Variants in UBE3C observed in about 807,000 individuals in gnomAD.
The protein encoded by UBE3C is ubiquitin protein ligase E3C.
In UBE3C, 42 loss-of-function variants were observed where a neutral mutation model predicts 129.4. The ratio of observed to expected loss-of-function variants is 0.32; its 90% confidence interval spans 0.25 to 0.42. The LOEUF is 0.42. Among genes scored for constraint, UBE3C ranks in the 10% least tolerant of loss-of-function variants. The probability of loss-of-function intolerance (pLI) is 1.00; values close to 1 mark genes in which losing one functional copy is unlikely to be tolerated. For missense variants in UBE3C, 1,049 were observed against 1,319.1 expected, an observed-to-expected ratio of 0.80 and a Z score of 3.17; for synonymous variants, 510 against 492.4, an observed-to-expected ratio of 1.04 and a Z score of -0.47.
At chr7:157,186,055 G>T (rs1232112305) in intron 9 of UBE3C, among the ~76,000 whole-genome samples, 1 of 151,930 alleles carries the variant, frequency 6.6e-6, no homozygotes, top group Non-Finnish European at 1.5e-5. Context: ...GATTGGCTTG[G>T]GTTATATTCA....
intron 18 of UBE3C, among the ~76,000 whole-genome samples, chr7:157,236,422 A>G (rs3802106): frequency 0.18 from 27,703 of 152,156 alleles, 2,770 homozygotes; most frequent in East Asian, 0.39. Context: ...GATCTTGGTT[A>G]TATATTTGAA....
intron 1 of UBE3C, among the ~76,000 whole-genome samples, chr7:157,142,902 T>C (rs1807495276): frequency 6.6e-6 from 1 of 150,920 alleles, no homozygotes; most frequent in East Asian, 1.9e-4. Context: ...TGGAGCGCAG[T>C]GTTGCCCAGG....
chr7:157,165,764 T>C (rs1156607842), intron 2 of UBE3C, among the ~76,000 whole-genome samples: 1 of 152,218 alleles, frequency 6.6e-6, no homozygotes, highest in Admixed American at 6.5e-5. Context: ...GAATTTTCTT[T>C]CATTCTTTTA....
chr7:157,243,235 G>A (rs1584815795), intron 18 of UBE3C, among the ~76,000 whole-genome samples: 1 of 152,276 alleles, frequency 6.6e-6, no homozygotes, highest in South Asian at 2.1e-4. Context: ...GAGATGAGAA[G>A]GGCAATCTCT....
chr7:157,220,656 AGG>A (rs746498801), intron 14 of UBE3C, 31 bp from the exon 15 acceptor site: 2 of 1,613,086 alleles, frequency 1.2e-6, no homozygotes, highest in African/African-American at 2.7e-5. Flanking sequence ...GCTAGAGCAC[AGG>A]GGAGTTCTGA....
intron 13 of UBE3C, among the ~76,000 whole-genome samples, chr7:157,216,119 A>G (rs2051877): frequency 6.6e-6 from 1 of 152,074 alleles, no homozygotes; most frequent in East Asian, 1.9e-4. Context: ...TCTGGAGTTA[A>G]GATCACAGAT....
chr7:157,266,740 T>TA lies in UBE3C; in HGVS notation c.3082-839dup, dbSNP rs554701897. On this transcript the variant is annotated intron_variant, in intron 22 of 22. Transcript: ENST00000348165. ...AGATAGAATAAATCTTGATCCTTTTTAAAAAATTTTTATAGACAGGGTCTC... is the reference window on the plus strand; with the variant it reads ...AGATAGAATAAATCTTGATCCTTTTTAAAAAAATTTTTATAGACAGGGTCTC... Among the ~76,000 whole-genome samples, 195 of 152,352 alleles carry TA rather than the reference T, an allele frequency of 1.3e-3. 1 individual carries two copies. The highest frequency in any genetic ancestry group is 4.7e-3 in the African/African-American group (195 of 41,590).
intron 13 of UBE3C, among the ~76,000 whole-genome samples, chr7:157,209,069 C>T (rs1809517867): frequency 6.6e-6 from 1 of 152,174 alleles, no homozygotes; most frequent in African/African-American, 2.4e-5. Flanking sequence ...ATCAACTAAG[C>T]TTGTATTAAT....
chr7:157,226,123 T>C (rs1279556199), intron 17 of UBE3C, among the ~76,000 whole-genome samples: 1 of 152,222 alleles, frequency 6.6e-6, no homozygotes, highest in Non-Finnish European at 1.5e-5. Flanking sequence ...TTGCAAGCTG[T>C]TGTTCTAAAA....
intron 1 of UBE3C, among the ~76,000 whole-genome samples, chr7:157,140,846 AT>A (rs964786351): frequency 9.2e-5 from 14 of 152,246 alleles, no homozygotes; most frequent in Non-Finnish European, 2.9e-5. Flanking sequence ...GTGTAAAAGA[AT>A]CACCCCTTTA....
At chr7:157,225,272 A>G in intron 16 of UBE3C, 135 bp from the exon 17 acceptor site, 3 of 955,962 alleles carry the variant, frequency 3.1e-6, no homozygotes, top group Non-Finnish European at 4.4e-6. Context: ...AAAAATCAAG[A>G]TTTGATACCT....
At chr7:157,157,751 G>A (rs572218497) in intron 1 of UBE3C, among the ~76,000 whole-genome samples, 5 of 152,252 alleles carry the variant, frequency 3.3e-5, no homozygotes, top group African/African-American at 1.2e-4. Flanking sequence ...AAGGTGGGTG[G>A]ATCACCTGAG....
At position 157,243,753 on chromosome 7, in the gene UBE3C, G is replaced by A. The variant is rs145119997; in HGVS notation, c.2482-4615G>A. On this transcript the variant is annotated intron_variant, in intron 18 of 22. Coordinates refer to ENST00000348165, the MANE Select transcript of UBE3C (RefSeq NM_014671.3). Reference sequence around the variant, plus strand: ...TCTAGGACTTGAAATGGGTGTTGACGTATACATAACCTGAAACCCACAATC... The same window carrying A: ...TCTAGGACTTGAAATGGGTGTTGACATATACATAACCTGAAACCCACAATC... Among the ~76,000 whole-genome samples, 7 of 152,186 alleles carry A rather than the reference G, an allele frequency of 4.6e-5. No homozygotes were observed. In the East Asian group the frequency reaches 1.4e-3, roughly 29 times the overall value.
chr7:157,141,467 T>C (rs1371933337), intron 1 of UBE3C, among the ~76,000 whole-genome samples: 2 of 152,338 alleles, frequency 1.3e-5, no homozygotes, highest in East Asian at 3.9e-4. Flanking sequence ...TGTTGCCCAC[T>C]GCACACCTAG....
At chr7:157,259,631 C>T (rs1244902364) in intron 22 of UBE3C, among the ~76,000 whole-genome samples, 1 of 152,146 alleles carries the variant, frequency 6.6e-6, no homozygotes, top group Non-Finnish European at 1.5e-5. Context: ...CACAAGACTA[C>T]GTATTATTAT....
chr7:157,264,732 C>T (rs1048562740), intron 22 of UBE3C, among the ~76,000 whole-genome samples: 1 of 152,112 alleles, frequency 6.6e-6, no homozygotes, highest in African/African-American at 2.4e-5. Context: ...CCACTACAGC[C>T]GGCTAATTTT....
chr7:157,233,494 G>A (rs1321981906), intron 18 of UBE3C, among the ~76,000 whole-genome samples: 1 of 152,016 alleles, frequency 6.6e-6, no homozygotes, highest in African/African-American at 2.4e-5. Context: ...TGCCCAGGCT[G>A]GTCTTGAACT....
intron 19 of UBE3C, among the ~76,000 whole-genome samples, chr7:157,249,104 A>G (rs1055862866): frequency 6.6e-6 from 1 of 152,198 alleles, no homozygotes; most frequent in African/African-American, 2.4e-5. Context: ...TAACTCACAT[A>G]CCATAAAATC....
At chr7:157,242,526 T>TTTTG (rs1554436987) in intron 18 of UBE3C, among the ~76,000 whole-genome samples, 15 of 146,684 alleles carry the variant, frequency 1.0e-4, no homozygotes, top group African/African-American at 3.8e-4. Context: ...TTTTTTTTTT[T>TTTTG]TTTTTTTTTT....
Sources: gnomAD v4.1 joint callset for allele counts (sites outside exome capture counted in the v4.1 genomes callset) on GRCh38, gnomAD v4.1.1 for gene constraint, MANE v1.5 for transcripts, NCBI Gene and HGNC (gene_info 2026-07-23, HGNC 2026-07-21) for gene names.